Variants in DACH1 observed in about 807,000 individuals in gnomAD.
DACH1 encodes the protein dachshund family transcription factor 1.
DACH1 carries 12 observed loss-of-function variants against 54.2 expected under a neutral mutation model. The ratio of observed to expected loss-of-function variants is 0.22; its 90% CI spans 0.14 to 0.36. DACH1 has a LOEUF of 0.36. Ranked by LOEUF, DACH1 falls within the 10% of genes least tolerant of loss-of-function variation. The pLI is 1.00. For missense variants in DACH1, 805 were observed against 929.8 expected (o/e 0.87, Z 1.75); for synonymous variants, 386 against 366.2 (o/e 1.05, Z -0.62).
chr13:71,550,349 G>T (rs1387245852), intron 6 of DACH1, among the ~76,000 whole-genome samples: 1 of 152,214 alleles, frequency 6.6e-6, no homozygotes, highest in Non-Finnish European at 1.5e-5. Context: ...CAAAGAAGGT[G>T]AGAAGACATA....
chr13:71,813,159 G>C (rs1467427799), intron 1 of DACH1, among the ~76,000 whole-genome samples: 1 of 152,092 alleles, frequency 6.6e-6, no homozygotes, highest in African/African-American at 2.4e-5. Flanking sequence ...CTTTCACAGA[G>C]AAGAAGAGAT....
chr13:71,671,603 C>T (rs1029532295), intron 2 of DACH1, among the ~76,000 whole-genome samples: 1 of 151,950 alleles, frequency 6.6e-6, no homozygotes, highest in African/African-American at 2.4e-5. Context: ...TGTAAAATTG[C>T]CTTCAAATTT....
intron 1 of DACH1, among the ~76,000 whole-genome samples, chr13:71,857,657 C>T (rs1874091108): frequency 6.6e-6 from 1 of 151,644 alleles, no homozygotes; most frequent in Admixed American, 6.6e-5. Context: ...AACATTCATC[C>T]TCATATAAAA....
At chr13:71,560,665 T>C (rs1227820111) in intron 4 of DACH1, among the ~76,000 whole-genome samples, 1 of 152,128 alleles carries the variant, frequency 6.6e-6, no homozygotes, top group Non-Finnish European at 1.5e-5. Context: ...AACAGTCTTG[T>C]CTCTCTCCAC....
At chr13:71,602,845 CA>C (rs914980622) in intron 3 of DACH1, among the ~76,000 whole-genome samples, 17 of 151,826 alleles carry the variant, frequency 1.1e-4, no homozygotes, top group African/African-American at 4.1e-4. Flanking sequence ...GTTACTATCC[CA>C]GGGGGAGAGA....
At chr13:71,744,845 G>C (rs1457205583) in intron 1 of DACH1, among the ~76,000 whole-genome samples, 1 of 152,088 alleles carries the variant, frequency 6.6e-6, no homozygotes, top group East Asian at 1.9e-4. Context: ...GCAAACTCTA[G>C]AATTTTTCTT....
intron 8 of DACH1, among the ~76,000 whole-genome samples, chr13:71,478,954 G>A (rs533345985): frequency 1.0e-3 from 153 of 152,134 alleles, no homozygotes; most frequent in African/African-American, 3.5e-3. Context: ...ATGATGTAAT[G>A]GATGTATTTC....
intron 10 of DACH1, among the ~76,000 whole-genome samples, chr13:71,457,830 A>G (rs551595839): frequency 4.5e-4 from 69 of 151,978 alleles, no homozygotes; most frequent in Admixed American, 3.2e-3. Flanking sequence ...TCTCATCTGG[A>G]CTTCACATTC....
At chr13:71,571,181 T>A (rs1208303065) in intron 4 of DACH1, among the ~76,000 whole-genome samples, 1 of 152,206 alleles carries the variant, frequency 6.6e-6, no homozygotes, top group Non-Finnish European at 1.5e-5. Context: ...ATTAATATTA[T>A]GAGATGATTC....
chr13:71,833,710 G>T (rs180832951), intron 1 of DACH1, among the ~76,000 whole-genome samples: 1,632 of 151,990 alleles, frequency 0.011, 16 homozygotes, highest in Middle Eastern at 0.034. Flanking sequence ...AGTGAGAGAC[G>T]CCACTTAAAG....
rs374623183 is a variant in DACH1, at chr13:71,567,330, A to G, written c.1299+5510T>C. Among the ~76,000 whole-genome samples, 13 of 152,232 alleles carry G rather than the reference A, an allele frequency of 8.5e-5. No homozygotes were observed. The South Asian group carries it at 1.2e-3, about 15-fold the overall frequency. On this transcript the variant is annotated intron_variant, in intron 4 of 10. Coordinates refer to ENST00000613252, the MANE Select transcript of DACH1 (RefSeq NM_080759.6). ...ACAGTTCTATGTTATCTCTGAAAAA[A>G]ATCTTAAAATGCATTTAAAAATCTG... is the stretch of plus-strand genomic sequence containing the variant.
intron 1 of DACH1, among the ~76,000 whole-genome samples, chr13:71,858,760 T>A (rs1338630588): frequency 2.0e-5 from 3 of 151,714 alleles, no homozygotes; most frequent in African/African-American, 7.2e-5. Flanking sequence ...GTATTTGTCT[T>A]TCTGTGCCTG....
At chr13:71,619,000 A>C (rs1876000086) in intron 3 of DACH1, among the ~76,000 whole-genome samples, 1 of 151,704 alleles carries the variant, frequency 6.6e-6, no homozygotes, top group Non-Finnish European at 1.5e-5. Context: ...CATAGGTGTG[A>C]ATACATATTT....
At chr13:71,692,506 CTTTTTTTTTTTTTTTTTTT>C (rs398023338) in intron 1 of DACH1, among the ~76,000 whole-genome samples, 57 of 44,446 alleles carry the variant, frequency 1.3e-3, no homozygotes, top group African/African-American at 6.5e-3. Flanking sequence ...CTTTTCTTTC[CTTTTTTTTTTTTTTTTTTT>C]TTTTTTTTTT....
chr13:71,798,657 G>T (rs1041476514), intron 1 of DACH1, among the ~76,000 whole-genome samples: 2 of 151,778 alleles, frequency 1.3e-5, no homozygotes. Flanking sequence ...TAAAAAATTA[G>T]CAAGTGAAGC....
chr13:71,768,809 T>G (rs1885739643), intron 1 of DACH1, among the ~76,000 whole-genome samples: 1 of 151,932 alleles, frequency 6.6e-6, no homozygotes. Context: ...TCTGTACAAT[T>G]TTTAACATCA....
At chr13:71,609,621 G>A (rs978101090) in intron 3 of DACH1, among the ~76,000 whole-genome samples, 1 of 151,920 alleles carries the variant, frequency 6.6e-6, no homozygotes, top group Non-Finnish European at 1.5e-5. Context: ...CACTCCCCAG[G>A]TTCAAGTGAT....
chr13:71,788,689 A>G (rs1358464599), intron 1 of DACH1, among the ~76,000 whole-genome samples: 1 of 152,232 alleles, frequency 6.6e-6, no homozygotes, highest in South Asian at 2.1e-4. Flanking sequence ...GATCAAGGAC[A>G]TTTGGGCAGA....
At chr13:71,767,873 G>A (rs977143709) in intron 1 of DACH1, among the ~76,000 whole-genome samples, 27 of 151,868 alleles carry the variant, frequency 1.8e-4, no homozygotes, top group African/African-American at 6.5e-4. Context: ...GTTTCAGTGG[G>A]ATGAGAAGAA....
Sources: gnomAD v4.1 joint callset for allele counts (sites outside exome capture counted in the v4.1 genomes callset) on GRCh38, gnomAD v4.1.1 for gene constraint, MANE v1.5 for transcripts, NCBI Gene and HGNC (gene_info 2026-07-23, HGNC 2026-07-21) for gene names.